SF3B1: variants seen among roughly 807,000 people sequenced by gnomAD.
The protein encoded by SF3B1 is pre-mRNA processing 10.
SF3B1 carries 12 observed loss-of-function variants against 153.8 expected under a neutral mutation model. That is an observed-to-expected ratio of 0.08 (90% CI 0.05 to 0.13). The LOEUF (loss-of-function observed/expected upper bound fraction) is 0.13, where lower values mean the gene tolerates loss of function less well. SF3B1 is among the 10% of genes least tolerant of loss of function. SF3B1 has a pLI of 1.00. For missense variants in SF3B1, 513 were observed against 1,606.1 expected, an observed-to-expected ratio of 0.32 and a Z score of 11.63; for synonymous variants, 498 against 525.2, an observed-to-expected ratio of 0.95 and a Z score of 0.71.
chr2:197,404,897 G>A, intron 11 of SF3B1, 179 bp downstream of exon 11: 2 of 505,026 alleles, frequency 4.0e-6, no homozygotes, highest in Non-Finnish European at 7.1e-6. Flanking sequence ...ATATAAACAT[G>A]GCCAGGTGCA....
In SF3B1 at chr2:197,410,802, C is replaced by G. The variant is rs545185391; in HGVS notation, c.667-795G>C. On this transcript the variant is annotated intron_variant, in intron 6 of 24. Transcript: ENST00000335508. ...TACAGGCGTGAGCCACCGCACCAGG[C>G]CCCACCTATGTAATTATAACCAGAT... 2.0e-5 allele frequency among the ~76,000 whole-genome samples: 3 copies of G among 152,296 alleles called. No individual in the cohort carries two copies. The South Asian group carries it at 6.2e-4, about 32-fold the overall frequency.
chr2:197,434,929 G>T (rs772048509), intron 1 of SF3B1, 43 bp downstream of exon 1: 6 of 1,588,042 alleles, frequency 3.8e-6, no homozygotes, highest in Non-Finnish European at 5.2e-6. Context: ...CTTTTATTAG[G>T]CTAGCAACGA....
chr2:197,428,237 C>T lies in SF3B1; in HGVS notation c.29-4263G>A, dbSNP rs140038261. Among the ~76,000 whole-genome samples the T allele has an allele frequency of 9.5e-3, 1,450 of 152,210 alleles. 24 individuals are homozygous for T. Among genetic ancestry groups the T allele is most frequent in the African/African-American group, 0.033 (1,370 of 41,522 alleles). On this transcript the variant is annotated intron_variant, in intron 1 of 24. Coordinates refer to ENST00000335508, the MANE Select transcript of SF3B1 (RefSeq NM_012433.4). Reference sequence around the variant, plus strand: ...TCAGGAGGCTGAGGTCAGAGGATGGCTTGAGCCCAGGAGGCGGAGGTTGCA... The same window carrying T: ...TCAGGAGGCTGAGGTCAGAGGATGGTTTGAGCCCAGGAGGCGGAGGTTGCA...
chr2:197,404,561 A>T (rs1480812354), intron 11 of SF3B1, among the ~76,000 whole-genome samples: 4 of 151,990 alleles, frequency 2.6e-5, no homozygotes, highest in Non-Finnish European at 4.4e-5. Flanking sequence ...TGGGCAAGAG[A>T]GCAAGACCCT....
chr2:197,400,299 C>A lies in SF3B1; in HGVS notation c.2854G>T (p.Ala952Ser), dbSNP rs2105981680. Residue 952 changes from alanine (A) to serine (S), a missense_variant, in exon 19 of 25, where the codon GCT (alanine) becomes TCT (serine). This residue lies in a region of SF3B1 where 20 missense variants were observed against 90.4 expected (regional missense o/e 0.22). Transcript: ENST00000335508. This position sits in a 1 kb window ranked among gnomAD's most constrained non-coding sequence, Gnocchi z 5.0. ...ACAGCAGTTCGAGAAATCAAGTCAG[C>A]TGCCTGTTGCCTAACTTTAGCAGAT... ...NKSAKVRQQA[A>S]DLISRTAVVM... is the part of the protein sequence containing the mutation. The A allele has an allele frequency of 6.2e-7, 1 of 1,614,094 alleles. No homozygotes were observed. The highest frequency in any genetic ancestry group is 8.5e-7 in the Non-Finnish European group (1 of 1,179,950).
intron 23 of SF3B1, among the ~76,000 whole-genome samples, chr2:197,394,108 T>TG (rs1192645129): frequency 6.6e-6 from 1 of 151,768 alleles, no homozygotes; most frequent in African/African-American, 2.4e-5. Context: ...CACTTGAACC[T>TG]GGGGGGTGGA....
intron 1 of SF3B1, among the ~76,000 whole-genome samples, chr2:197,424,985 C>T (rs975690850): frequency 1.3e-5 from 2 of 151,954 alleles, no homozygotes; most frequent in African/African-American, 4.8e-5. Flanking sequence ...GATGGTGAAA[C>T]CTCCTCTCCA....
At chr2:197,414,896 T>C (rs1469864567) in intron 6 of SF3B1, among the ~76,000 whole-genome samples, 1 of 151,786 alleles carries the variant, frequency 6.6e-6, no homozygotes, top group Non-Finnish European at 1.5e-5. Flanking sequence ...CCCATCTACT[T>C]GGGGGGTTGA....
At position 197,430,995 on chromosome 2, in the gene SF3B1, T is replaced by G. The variant is rs529542691; in HGVS notation, c.28+3977A>C. Among the ~76,000 whole-genome samples, 192 of 152,160 alleles carry G rather than the reference T, an allele frequency of 1.3e-3. 1 individual carries two copies. Among genetic ancestry groups the G allele is most frequent in the Non-Finnish European group, 6.2e-4 (42 of 68,016 alleles). ...AACTCAGACCTACATATCAAGCTCT[T>G]GAGAAAAACAATTCATATCACTGAT... is the stretch of plus-strand genomic sequence containing the variant. On this transcript the variant is annotated intron_variant, in intron 1 of 24. Coordinates refer to ENST00000335508, the MANE Select transcript of SF3B1 (RefSeq NM_012433.4).
At chr2:197,397,177 G>C (rs975334793) in intron 22 of SF3B1, among the ~76,000 whole-genome samples, 3 of 151,824 alleles carry the variant, frequency 2.0e-5, no homozygotes, top group African/African-American at 7.3e-5. Flanking sequence ...CATTTTTGTT[G>C]TTTTTTTTAG....
intron 24 of SF3B1, 117 bp from the exon 25 acceptor site, chr2:197,392,578 G>GGA: frequency 3.1e-6 from 1 of 323,394 alleles, no homozygotes; most frequent in Non-Finnish European, 5.7e-6. Flanking sequence ...GTTGGGGGGG[G>GGA]GGGAACCTAC....
intron 1 of SF3B1, among the ~76,000 whole-genome samples, chr2:197,432,048 C>T (rs919070404): frequency 5.5e-4 from 83 of 152,078 alleles, no homozygotes; most frequent in African/African-American, 1.9e-3. Context: ...TCACTTGAGC[C>T]CAGCAGTTGT....
At chr2:197,407,952 T>TA (rs2085016513) in intron 9 of SF3B1, 46 bp downstream of exon 9, 2 of 1,558,796 alleles carry the variant, frequency 1.3e-6, no homozygotes, top group Non-Finnish European at 1.8e-6. Flanking sequence ...CTATTTAAAA[T>TA]AAATGTATAT....
At chr2:197,429,656 C>T (rs1055439348) in intron 1 of SF3B1, among the ~76,000 whole-genome samples, 5 of 151,930 alleles carry the variant, frequency 3.3e-5, no homozygotes, top group East Asian at 1.9e-4. Flanking sequence ...TGATGGCGCG[C>T]GTCTGTAGTC....
intron 6 of SF3B1, among the ~76,000 whole-genome samples, chr2:197,415,811 G>T (rs972099924): frequency 6.6e-6 from 1 of 151,760 alleles, no homozygotes; most frequent in African/African-American, 2.4e-5. Flanking sequence ...CCATCGTTTT[G>T]TTTTTTTGAG....
rs556918081 is a variant in SF3B1 at position 197,402,299 on chromosome 2, A to G, written c.2078-169T>C. ...GAACCATAGCCTGTCAGCAGATAAT[A>G]TAACAAACCCATCATAAAATCTATA... On this transcript the variant is annotated intron_variant, in intron 14 of 24. Coordinates refer to ENST00000335508, the MANE Select transcript of SF3B1 (RefSeq NM_012433.4). The surrounding 1 kb of genome is among the most constrained non-coding windows in gnomAD (Gnocchi z 4.6). 1.7e-5 allele frequency: 13 copies of G among 770,642 alleles called. No homozygotes were observed. Among genetic ancestry groups the G allele is most frequent in the South Asian group, 1.6e-4 (8 of 50,304 alleles). 47.7% of individuals were successfully genotyped at this position (770,642 alleles called of 1,614,324 possible).
Position 197,402,797 on chromosome 2 carries a change from G to A in SF3B1, c.1836C>T (p.Thr612=). Residue 612 remains threonine (T), a synonymous_variant, in exon 14 of 25, where the codon ACC becomes ACT. Coordinates refer to ENST00000335508, the MANE Select transcript of SF3B1 (RefSeq NM_012433.4). This position sits in a 1 kb window ranked among gnomAD's most constrained non-coding sequence, Gnocchi z 4.6. ...KAAGLATMIS[T]MRPDIDNMDE... The stretch of plus-strand genomic sequence containing the variant: ...CCATGTTATCTATATCAGGTCTCAT[G>A]GTAGAGATCATAGTAGCCAGACCAG... The A allele has an allele frequency of 6.2e-7, 1 of 1,613,982 alleles. No individual in the cohort carries two copies. Among genetic ancestry groups the A allele is most frequent in the Non-Finnish European group, 8.5e-7 (1 of 1,179,938 alleles).
chr2:197,411,352 T>A (rs2085064862), intron 6 of SF3B1, among the ~76,000 whole-genome samples: 1 of 152,154 alleles, frequency 6.6e-6, no homozygotes, highest in Admixed American at 6.6e-5. Flanking sequence ...ACAGGATGTG[T>A]AATGTACTTT....
chr2:197,416,810 A>G lies in SF3B1; in HGVS notation c.597T>C (p.Arg199=), dbSNP rs756246041. ...GAGTCTGATCAGCTGTTTGATCCCAACGCCGTTTTCGTTTTGATGGAGGCT... is the reference window on the plus strand; with the variant it reads ...GAGTCTGATCAGCTGTTTGATCCCAGCGCCGTTTTCGTTTTGATGGAGGCT... The part of the protein sequence containing the change: ...ASQPPSKRKR[R]WDQTADQTPG... Residue 199 remains arginine (R), a synonymous_variant, in exon 6 of 25, where the codon CGT becomes CGC. Transcript: ENST00000335508. 1 of 1,614,158 alleles carries G rather than the reference A, an allele frequency of 6.2e-7. No homozygotes were observed. Among genetic ancestry groups the G allele is most frequent in the Non-Finnish European group, 8.5e-7 (1 of 1,180,006 alleles).
Sources: allele counts gnomAD v4.1 joint callset (sites outside exome capture counted in the v4.1 genomes callset), GRCh38; gene constraint gnomAD v4.1.1; regional missense constraint gnomAD v4.1.1; non-coding constraint Gnocchi (gnomAD v3.1); transcripts MANE v1.5; gene names NCBI Gene and HGNC (gene_info 2026-07-23, HGNC 2026-07-21).